CCDC141: variants seen among roughly 807,000 people sequenced by gnomAD.
The protein encoded by CCDC141 is coiled-coil domain-containing protein 141.
A neutral mutation model predicts 181.0 loss-of-function variants in CCDC141; 168 were observed. The ratio of observed to expected loss-of-function variants is 0.93; its 90% CI spans 0.82 to 1.05. The LOEUF is 1.05. Ranked by LOEUF, CCDC141 falls within the 50% of genes least tolerant of loss-of-function variation. The pLI is 0.00. For missense variants in CCDC141, 1,902 were observed against 1,788.5 expected (o/e 1.06, Z -1.14); for synonymous variants, 666 against 642.3 (o/e 1.04, Z -0.56).
chr2:178,874,162 A>G (rs1174671156), intron 12 of CCDC141: 3 of 152,250 alleles, frequency 2.0e-5, no homozygotes, highest in Non-Finnish European at 4.4e-5. Flanking sequence ...TTAAAAGCCT[A>G]GTGGTCCAAA....
chr2:179,042,692 G>A (rs142866103), intron 2 of CCDC141, among the ~76,000 whole-genome samples: 31 of 152,194 alleles, frequency 2.0e-4, no homozygotes, highest in African/African-American at 5.5e-4. Context: ...ACAATGGACC[G>A]GAATCTCTGG....
At chr2:179,036,020 C>A (rs957077433) in intron 2 of CCDC141, among the ~76,000 whole-genome samples, 1 of 152,130 alleles carries the variant, frequency 6.6e-6, no homozygotes, top group African/African-American at 2.4e-5. Flanking sequence ...TGGAGGACAC[C>A]TCTCTTTTTT....
At chr2:178,868,236 G>C in intron 15 of CCDC141, 31 bp from the exon 16 acceptor site, 2 of 1,567,278 alleles carry the variant, frequency 1.3e-6, no homozygotes, top group Non-Finnish European at 8.7e-7. Context: ...AATTAACCTG[G>C]GTTTTATATG....
the CCDC141 span, among the ~76,000 whole-genome samples, chr2:178,816,460 G>A: frequency 1.1e-4 from 17 of 152,298 alleles, no homozygotes; most frequent in African/African-American, 4.1e-4. Context: ...CATCTTGTTT[G>A]CTTCCAAGTT....
At chr2:178,985,616 A>G (rs1181766916) in intron 2 of CCDC141, among the ~76,000 whole-genome samples, 3 of 152,058 alleles carry the variant, frequency 2.0e-5, no homozygotes, top group Non-Finnish European at 4.4e-5. Context: ...TAGATGCAAT[A>G]AAAAATGATA....
intron 2 of CCDC141, among the ~76,000 whole-genome samples, chr2:178,999,395 C>T (rs537609925): frequency 3.3e-5 from 5 of 152,180 alleles, no homozygotes; most frequent in East Asian, 1.9e-4. Context: ...CGTCTTTCAA[C>T]GCTTCTCACC....
intron 9 of CCDC141, 23 bp downstream of exon 9, chr2:178,888,504 T>G: frequency 6.5e-7 from 1 of 1,547,794 alleles, no homozygotes; most frequent in Non-Finnish European, 8.7e-7. Flanking sequence ...CTTAGATATT[T>G]AAGTTTTAGT....
chr2:178,986,199 G>T (rs1306428882), intron 2 of CCDC141, among the ~76,000 whole-genome samples: 1 of 152,170 alleles, frequency 6.6e-6, no homozygotes, highest in Non-Finnish European at 1.5e-5. Flanking sequence ...CATATAAACA[G>T]AGCCAAAGAC....
chr2:178,895,705 G>A lies in CCDC141; in HGVS notation c.1266-7037C>T, dbSNP rs116065402. Among the ~76,000 whole-genome samples, 506 of 152,228 alleles carry A rather than the reference G, an allele frequency of 3.3e-3. 5 individuals carry two copies. The highest frequency in any genetic ancestry group is 0.012 in the African/African-American group (491 of 41,548). The stretch of plus-strand genomic sequence containing the variant: ...AAAGTGGCTGGGTTGACTGTCATAA[G>A]AACTCAACTTTGTAATTTCCTAAAT... On this transcript the variant is annotated intron_variant, in intron 8 of 23. Coordinates refer to ENST00000443758, the MANE Select transcript of CCDC141 (RefSeq NM_173648.4).
chr2:178,983,914 T>C (rs1691573812), intron 2 of CCDC141, among the ~76,000 whole-genome samples: 1 of 150,472 alleles, frequency 6.6e-6, no homozygotes, highest in African/African-American at 2.4e-5. Flanking sequence ...CAGGAGAATT[T>C]CCCCAATCTA....
chr2:178,928,641 A>G (rs748448866), intron 6 of CCDC141, among the ~76,000 whole-genome samples: 1 of 152,240 alleles, frequency 6.6e-6, no homozygotes, highest in Non-Finnish European at 1.5e-5. Context: ...ACGAGCTGGT[A>G]AAGATTCTGT....
At chr2:178,854,639 T>C (rs1467337648) in intron 19 of CCDC141, among the ~76,000 whole-genome samples, 1 of 152,198 alleles carries the variant, frequency 6.6e-6, no homozygotes, top group Non-Finnish European at 1.5e-5. Context: ...TGGTTTTAAA[T>C]AAGTGCCACA....
At position 178,850,150 on chromosome 2, in the gene CCDC141, C is replaced by T; in HGVS notation, c.3256G>A (p.Gly1086Arg). ...ACTATTTTCTCAATATATTTCTGTC[C>T]TTCTTCCAAACCTGGGGAGGAGAAG... Reference protein sequence around the residue: ...LAQHLYGLEEGQKYIEKIVTK... With the variant: ...LAQHLYGLEERQKYIEKIVTK... Residue 1086 changes from glycine (G) to arginine (R), a missense_variant, in exon 21 of 24, where the codon GGA becomes AGA. Physicochemically the swap from Gly to Arg is moderately radical, Grantham distance 125 (BLOSUM62 -2). Coordinates refer to ENST00000443758, the MANE Select transcript of CCDC141 (RefSeq NM_173648.4). The T allele has an allele frequency of 6.3e-7, 1 of 1,594,156 alleles. No homozygotes were observed. Among genetic ancestry groups the T allele is most frequent in the Non-Finnish European group, 8.6e-7 (1 of 1,165,544 alleles).
At chr2:178,819,192 T>C in the CCDC141 span, among the ~76,000 whole-genome samples, 10 of 152,270 alleles carry the variant, frequency 6.6e-5, no homozygotes, top group Admixed American at 6.5e-4. Flanking sequence ...GGGGCCTTTT[T>C]GCCAAAAAAT....
At chr2:179,015,961 A>C (rs1038233400) in intron 2 of CCDC141, among the ~76,000 whole-genome samples, 37 of 146,540 alleles carry the variant, frequency 2.5e-4, no homozygotes, top group African/African-American at 8.1e-4. Context: ...TCTCATATAT[A>C]TCATATATAT....
intron 12 of CCDC141, chr2:178,876,805 G>A (rs1686375936): frequency 6.6e-6 from 1 of 152,126 alleles, no homozygotes; most frequent in Admixed American, 6.5e-5. Flanking sequence ...GGGATCATGT[G>A]TGAAGACTAA....
At chr2:179,048,356 G>A (rs1467888302) in intron 1 of CCDC141, among the ~76,000 whole-genome samples, 1 of 152,162 alleles carries the variant, frequency 6.6e-6, no homozygotes, top group African/African-American at 2.4e-5. Context: ...TGGCAGTAAG[G>A]TAAGAGGGCT....
rs530585460 is a variant in CCDC141 at position 179,044,447 on chromosome 2, T to C, written c.225+2837A>G. Among the ~76,000 whole-genome samples the C allele has an allele frequency of 1.6e-4, 24 of 152,270 alleles. 1 individual carries two copies. In the South Asian group the frequency reaches 4.4e-3, roughly 28 times the overall value. On this transcript the variant is annotated intron_variant, in intron 2 of 23. Transcript: ENST00000443758. The stretch of plus-strand genomic sequence containing the variant: ...TTTTCTAGCTAAGCTACTGGATGGA[T>C]TTAGGTATGCAAATTTGAGCACAGG...
At chr2:178,954,499 A>T (rs1432955600) in intron 5 of CCDC141, among the ~76,000 whole-genome samples, 1 of 152,196 alleles carries the variant, frequency 6.6e-6, no homozygotes, top group Non-Finnish European at 1.5e-5. Context: ...ATTGATGTGA[A>T]TCCTAAGTCC....
Sources: gnomAD v4.1 joint callset for allele counts (sites outside exome capture counted in the v4.1 genomes callset) on GRCh38, gnomAD v4.1.1 for gene constraint, MANE v1.5 for transcripts, NCBI Gene and HGNC (gene_info 2026-07-23, HGNC 2026-07-21) for gene names.